The following CNTNAP2 variants were observed in gnomAD, a reference collection of about 807,000 sequenced individuals.
The protein encoded by CNTNAP2 is contactin-associated protein-like 2.
A neutral mutation model predicts 155.2 loss-of-function variants in CNTNAP2; 98 were observed. The observed-to-expected ratio is 0.63, with a 90% CI of 0.54 to 0.75. The LOEUF is 0.75. Among genes scored for constraint, CNTNAP2 ranks in the 30% least tolerant of loss-of-function variants. The pLI is 0.00. For synonymous variants in CNTNAP2, 651 were observed against 631.2 expected (o/e 1.03, Z -0.47); for missense variants, 1,727 against 1,688.1 (o/e 1.02, Z -0.40).
At chr7:148,330,947 AG>A (rs1797988632) in intron 21 of CNTNAP2, among the ~76,000 whole-genome samples, 1 of 132,872 alleles carries the variant, frequency 7.5e-6, no homozygotes, top group African/African-American at 2.9e-5. Context: ...AATTGGATGG[AG>A]TGGATGGATA....
intron 14 of CNTNAP2, among the ~76,000 whole-genome samples, chr7:147,937,923 T>A (rs1800642723): frequency 6.6e-6 from 1 of 152,198 alleles, no homozygotes; most frequent in Admixed American, 6.5e-5. Flanking sequence ...TAGCTACCAT[T>A]GAACAAATGC....
intron 21 of CNTNAP2, among the ~76,000 whole-genome samples, chr7:148,365,818 A>C (rs1239287316): frequency 1.9e-5 from 2 of 107,004 alleles, no homozygotes; most frequent in Admixed American, 8.1e-5. Flanking sequence ...GCATGTATAC[A>C]TGCATGTGTA....
intron 9 of CNTNAP2, among the ~76,000 whole-genome samples, chr7:147,338,733 C>T (rs145833143): frequency 2.2e-4 from 34 of 152,042 alleles, no homozygotes; most frequent in African/African-American, 8.0e-4. Flanking sequence ...GGAAAAAAAA[C>T]TCCATAAAAT....
At chr7:146,194,470 A>T (rs1798749082) in intron 1 of CNTNAP2, among the ~76,000 whole-genome samples, 1 of 152,146 alleles carries the variant, frequency 6.6e-6, no homozygotes, top group Non-Finnish European at 1.5e-5. Flanking sequence ...AGTCACTATC[A>T]TGAAAATAGC....
At chr7:148,358,382 A>C (rs115181134) in intron 21 of CNTNAP2, among the ~76,000 whole-genome samples, 3,235 of 152,280 alleles carry the variant, frequency 0.021, 121 homozygotes, top group African/African-American at 0.073. Context: ...CCATGGCAAG[A>C]ACTCTCAGAC....
intron 21 of CNTNAP2, among the ~76,000 whole-genome samples, chr7:148,309,291 C>A (rs1414183756): frequency 6.6e-6 from 1 of 152,232 alleles, no homozygotes; most frequent in Non-Finnish European, 1.5e-5. Flanking sequence ...GCCCCCTACA[C>A]AACTGTCACA....
intron 11 of CNTNAP2, among the ~76,000 whole-genome samples, chr7:147,548,905 C>T (rs984127837): frequency 1.3e-5 from 2 of 152,110 alleles, no homozygotes; most frequent in African/African-American, 4.8e-5. Flanking sequence ...TGTCAAAGAG[C>T]AGATGCTTGT....
chr7:146,892,283 TC>T (rs2129211710), intron 3 of CNTNAP2, among the ~76,000 whole-genome samples: 1 of 152,246 alleles, frequency 6.6e-6, no homozygotes, highest in African/African-American at 2.4e-5. Context: ...CAGTGCCTGA[TC>T]CCAAGTATGA....
At chr7:146,872,522 G>A (rs933513027) in intron 3 of CNTNAP2, among the ~76,000 whole-genome samples, 1 of 152,090 alleles carries the variant, frequency 6.6e-6, no homozygotes, top group African/African-American at 2.4e-5. Flanking sequence ...CAGTTATTGA[G>A]TTTCTTATCA....
chr7:146,127,591 G>A (rs112775819), intron 1 of CNTNAP2, among the ~76,000 whole-genome samples: 2 of 152,170 alleles, frequency 1.3e-5, no homozygotes, highest in African/African-American at 2.4e-5. Context: ...TTTTTCTACC[G>A]GATTTTATTT....
chr7:147,468,054 C>T lies in CNTNAP2; in HGVS notation c.1671-17881C>T, dbSNP rs377702944. On this transcript the variant is annotated intron_variant, in intron 10 of 23. Transcript: ENST00000361727. ...ATCCCAGAACTGTGGGAGGCCAAGGCGGGAGGATTTCTTGAGGCCAGGAGT... is the reference window on the plus strand; with the variant it reads ...ATCCCAGAACTGTGGGAGGCCAAGGTGGGAGGATTTCTTGAGGCCAGGAGT... 2.6e-4 allele frequency among the ~76,000 whole-genome samples: 40 copies of T among 151,602 alleles called. 2 individuals carry two copies. The highest frequency in any genetic ancestry group is 1.7e-3 in the South Asian group (8 of 4,780).
chr7:147,837,761 G>A (rs982746059), intron 13 of CNTNAP2, among the ~76,000 whole-genome samples: 2 of 152,156 alleles, frequency 1.3e-5, no homozygotes, highest in African/African-American at 4.8e-5. Flanking sequence ...ATCCAGCAGG[G>A]CTGTCAAATC....
At chr7:148,189,393 A>T (rs1459825351) in intron 18 of CNTNAP2, among the ~76,000 whole-genome samples, 1 of 152,194 alleles carries the variant, frequency 6.6e-6, no homozygotes, top group Non-Finnish European at 1.5e-5. Flanking sequence ...CCAACCCCTA[A>T]GCTGGTTGAG....
chr7:146,451,897 A>T (rs1796489231), intron 1 of CNTNAP2, among the ~76,000 whole-genome samples: 1 of 76,978 alleles, frequency 1.3e-5, no homozygotes, highest in Non-Finnish European at 2.3e-5. Flanking sequence ...ACATATATTT[A>T]TTTATTTATT....
intron 9 of CNTNAP2, 22 bp downstream of exon 9, chr7:147,300,312 G>C (rs371650944): frequency 8.1e-6 from 13 of 1,613,046 alleles, no homozygotes; most frequent in African/African-American, 1.3e-5. Context: ...ATTCCTTTTT[G>C]GTTACTAATC....
intron 3 of CNTNAP2, among the ~76,000 whole-genome samples, chr7:147,014,794 C>G (rs1360714047): frequency 6.6e-6 from 1 of 152,168 alleles, no homozygotes; most frequent in Non-Finnish European, 1.5e-5. Flanking sequence ...AAGAGGCCAT[C>G]TGTAATACAT....
chr7:148,133,451 G>T (rs1418107217), intron 16 of CNTNAP2, among the ~76,000 whole-genome samples: 1 of 152,092 alleles, frequency 6.6e-6, no homozygotes, highest in Non-Finnish European at 1.5e-5. Context: ...GACAGAATGA[G>T]AATCTGTCTC....
intron 2 of CNTNAP2, among the ~76,000 whole-genome samples, chr7:146,794,943 T>C (rs1802742508): frequency 6.6e-6 from 1 of 152,204 alleles, no homozygotes; most frequent in Admixed American, 6.5e-5. Context: ...CAAGTTCTGC[T>C]CTAAAATGCA....
chr7:148,132,832 C>T (rs1288904129), intron 16 of CNTNAP2, among the ~76,000 whole-genome samples: 2 of 152,136 alleles, frequency 1.3e-5, no homozygotes, highest in Non-Finnish European at 2.9e-5. Context: ...GTTTAAAGGG[C>T]TCCCACGTGG....
Sources: allele counts gnomAD v4.1 joint callset (sites outside exome capture counted in the v4.1 genomes callset), GRCh38; gene constraint gnomAD v4.1.1; transcripts MANE v1.5; gene names NCBI Gene and HGNC (gene_info 2026-07-23, HGNC 2026-07-21).